The following DNAJC1 variants were observed in gnomAD, a reference collection of about 807,000 sequenced individuals.
The protein encoded by DNAJC1 is dnaJ homolog subfamily C member 1.
Under a neutral mutation model 76.6 loss-of-function variants are expected in DNAJC1, and 58 were observed. The observed-to-expected ratio is 0.76, with a 90% CI of 0.61 to 0.94. DNAJC1 has a LOEUF of 0.94. Among genes scored for constraint, DNAJC1 ranks in the 40% least tolerant of loss-of-function variants. The pLI is 0.00. For synonymous variants in DNAJC1, 258 were observed against 267.9 expected, an observed-to-expected ratio of 0.96 and a Z score of 0.36; for missense variants, 689 against 677.3, an observed-to-expected ratio of 1.02 and a Z score of -0.19.
intron 9 of DNAJC1, among the ~76,000 whole-genome samples, chr10:21,782,143 G>A (rs145784282): frequency 1.8e-4 from 28 of 152,176 alleles, no homozygotes; most frequent in African/African-American, 2.7e-4. Flanking sequence ...TTGATAGACC[G>A]CTAGCAAGAC....
intron 1 of DNAJC1, among the ~76,000 whole-genome samples, chr10:21,951,318 CAA>C (rs1308554406): frequency 7.8e-6 from 1 of 128,142 alleles, no homozygotes; most frequent in Non-Finnish European, 1.7e-5. Flanking sequence ...AGATCCATCT[CAA>C]AAAAAAAAAA....
At chr10:21,976,284 A>T (rs914232077) in intron 1 of DNAJC1, among the ~76,000 whole-genome samples, 2 of 152,232 alleles carry the variant, frequency 1.3e-5, no homozygotes, top group Non-Finnish European at 2.9e-5. Context: ...CCAACCAGGC[A>T]TGCAACATTT....
intron 9 of DNAJC1, among the ~76,000 whole-genome samples, chr10:21,775,875 G>A (rs1834449178): frequency 6.6e-6 from 1 of 152,132 alleles, no homozygotes; most frequent in South Asian, 2.1e-4. Context: ...TACTGGCTTG[G>A]GTGGGCTTTT....
intron 1 of DNAJC1, among the ~76,000 whole-genome samples, chr10:21,986,169 G>A (rs1370698185): frequency 6.6e-6 from 1 of 152,160 alleles, no homozygotes; most frequent in African/African-American, 2.4e-5. Flanking sequence ...GGAGCTTGCA[G>A]TGAGCCACTG....
intron 1 of DNAJC1, among the ~76,000 whole-genome samples, chr10:21,949,159 C>G (rs1208265033): frequency 6.6e-6 from 1 of 152,134 alleles, no homozygotes; most frequent in African/African-American, 2.4e-5. Flanking sequence ...AATGAAATAA[C>G]TGTACCTAAC....
At chr10:21,820,348 T>C (rs776424518) in intron 8 of DNAJC1, among the ~76,000 whole-genome samples, 5 of 152,236 alleles carry the variant, frequency 3.3e-5, no homozygotes, top group Admixed American at 6.5e-5. Context: ...GGGTTGTTTC[T>C]ACTTTTTGAT....
At chr10:21,830,690 T>A (rs997615491) in intron 8 of DNAJC1, among the ~76,000 whole-genome samples, 3 of 152,226 alleles carry the variant, frequency 2.0e-5, no homozygotes, top group African/African-American at 4.8e-5. Flanking sequence ...ATTCTTTCTT[T>A]CTGAAATGTA....
chr10:21,881,385 C>G (rs1036430571), intron 8 of DNAJC1, among the ~76,000 whole-genome samples: 1 of 152,166 alleles, frequency 6.6e-6, no homozygotes, highest in Non-Finnish European at 1.5e-5. Flanking sequence ...TTTGGCCTAT[C>G]TTGGCTTTCA....
chr10:21,919,572 A>G (rs1837007234), intron 5 of DNAJC1, among the ~76,000 whole-genome samples: 1 of 152,000 alleles, frequency 6.6e-6, no homozygotes, highest in Non-Finnish European at 1.5e-5. Context: ...TCTAAAGTTC[A>G]GTATAAAAAT....
chr10:21,952,500 G>A (rs1414200377), intron 1 of DNAJC1, among the ~76,000 whole-genome samples: 6 of 152,272 alleles, frequency 3.9e-5, no homozygotes, highest in African/African-American at 1.4e-4. Context: ...GCTCATGCCT[G>A]TAATCCCAAC....
intron 1 of DNAJC1, among the ~76,000 whole-genome samples, chr10:21,937,699 A>T (rs1278264978): frequency 3.9e-5 from 6 of 152,192 alleles, no homozygotes; most frequent in Non-Finnish European, 8.8e-5. Context: ...TAGCCAAGAT[A>T]TACCCTATTT....
At chr10:21,898,309 T>C (rs1470076466) in intron 7 of DNAJC1, among the ~76,000 whole-genome samples, 1 of 152,202 alleles carries the variant, frequency 6.6e-6, no homozygotes, top group Non-Finnish European at 1.5e-5. Context: ...AATATAATCA[T>C]GTACCACATT....
chr10:21,782,531 T>A (rs369583596), intron 9 of DNAJC1, among the ~76,000 whole-genome samples: 4 of 152,090 alleles, frequency 2.6e-5, no homozygotes, highest in African/African-American at 9.7e-5. Context: ...AAAAGAGGGA[T>A]TCCTCCCTAA....
intron 1 of DNAJC1, among the ~76,000 whole-genome samples, chr10:21,968,667 C>T (rs1430777873): frequency 6.6e-6 from 1 of 151,966 alleles, no homozygotes; most frequent in Admixed American, 6.6e-5. Context: ...TCCGCCACCA[C>T]GCCCGGCTAA....
chr10:21,830,989 T>C (rs1289069895), intron 8 of DNAJC1, among the ~76,000 whole-genome samples: 1 of 152,240 alleles, frequency 6.6e-6, no homozygotes, highest in Non-Finnish European at 1.5e-5. Context: ...TTGTGGTCTC[T>C]TTCAGATTGG....
Position 22,003,357 on chromosome 10 carries a change from C to A in DNAJC1, c.78G>T (p.Pro26=). 7.1e-7 allele frequency: 1 copy of A among 1,413,234 alleles called. No homozygotes were observed. Among genetic ancestry groups the A allele is most frequent in the Non-Finnish European group, 9.2e-7 (1 of 1,087,310 alleles). The allele number at this position is 1,413,234 out of a possible 1,614,324, so 87.5% of individuals were successfully genotyped here. The change falls in exon 1 of 12, where the codon CCG becomes CCT. Residue 26 remains proline, a synonymous_variant. Transcript: ENST00000376980. ...GCAGCCACAGCAGCGGCGTCCGCGG[C>A]GGCGGCGGCGGGAACGGCACCAGCC... ...QLGLVPFPPP[P]PRTPLLWLLL...
At chr10:21,910,849 G>GAGGAC (rs2131754265) in intron 6 of DNAJC1, among the ~76,000 whole-genome samples, 1 of 108,104 alleles carries the variant, frequency 9.3e-6, no homozygotes, top group South Asian at 3.6e-4. Flanking sequence ...GAGGAGAGGA[G>GAGGAC]AGGAGAGGAG....
At chr10:21,763,746 T>A (rs1028576756) in intron 10 of DNAJC1, among the ~76,000 whole-genome samples, 30 of 152,176 alleles carry the variant, frequency 2.0e-4, no homozygotes, top group Non-Finnish European at 2.9e-4. Context: ...TAAAAAGATG[T>A]CACTGAAACT....
intron 6 of DNAJC1, among the ~76,000 whole-genome samples, chr10:21,909,580 TTGAA>T (rs1261404669): frequency 1.3e-5 from 2 of 152,350 alleles, no homozygotes; most frequent in East Asian, 3.9e-4. Context: ...ATAAAGTTTG[TTGAA>T]TGAATTACTG....
Sources: gnomAD v4.1 joint callset for allele counts (sites outside exome capture counted in the v4.1 genomes callset) on GRCh38, gnomAD v4.1.1 for gene constraint, MANE v1.5 for transcripts, NCBI Gene and HGNC (gene_info 2026-07-23, HGNC 2026-07-21) for gene names.